ZNF559: variants seen among roughly 807,000 people sequenced by gnomAD.
The protein encoded by ZNF559 is putative protein product of Nbla00121.
ZNF559 carries 17 observed loss-of-function variants against 14.2 expected under a neutral mutation model. That is an observed-to-expected ratio of 1.20 (90% CI 0.82 to 1.80). ZNF559 has a LOEUF of 1.80. ZNF559 is among the 40% of genes most tolerant of loss of function. ZNF559 has a pLI of 0.00. For synonymous variants in ZNF559, 244 were observed against 212.4 expected (o/e 1.15, Z -1.29); for missense variants, 740 against 629.7 (o/e 1.18, Z -1.88).
chr19:9,333,293 T>G (rs1041100040), intron 2 of ZNF559, among the ~76,000 whole-genome samples: 2 of 152,202 alleles, frequency 1.3e-5, no homozygotes, highest in Admixed American at 6.5e-5. Flanking sequence ...TGTAGAGTTA[T>G]GCATCCAGGA....
chr19:9,324,404 G>T, intron 1 of ZNF559, 176 bp downstream of exon 1: 3 of 1,471,102 alleles, frequency 2.0e-6, no homozygotes, highest in Non-Finnish European at 2.7e-6. Flanking sequence ...GCCACAGTCA[G>T]GTCTGTCCTC....
chr19:9,327,476 T>G (rs189754122), intron 2 of ZNF559, among the ~76,000 whole-genome samples: 48 of 152,292 alleles, frequency 3.2e-4, no homozygotes, highest in African/African-American at 1.1e-3. Context: ...CTCGAACTCT[T>G]GACCTCAGGT....
chr19:9,341,558 A>G, intron 6 of ZNF559, 137 bp from the exon 7 acceptor site: 5 of 1,477,456 alleles, frequency 3.4e-6, no homozygotes, highest in East Asian at 2.4e-5. Flanking sequence ...ATGCCTTGCA[A>G]TGAAAATGGC....
At position 9,343,546 on chromosome 19, in the gene ZNF559, A is replaced by G; in HGVS notation, c.*478A>G. 12 of 992,294 alleles carry G rather than the reference A, an allele frequency of 1.2e-5. No individual in the cohort carries two copies. Among genetic ancestry groups the G allele is most frequent in the Non-Finnish European group, 1.4e-5 (12 of 833,392 alleles). The allele number at this position is 992,294 out of a possible 1,614,324, so 61.5% of individuals were successfully genotyped here. A position where few individuals can be genotyped will look rare whatever the true frequency, so the allele number is the denominator to read the frequency against. On this transcript the variant is annotated 3_prime_UTR_variant, in exon 7 of 7. Transcript: ENST00000603380. ...AGCTGTGATCTCACAAGTGTGAAAAATCTTATGAATGTAAAATGTGTGGAG... is the reference window on the plus strand; with the variant it reads ...AGCTGTGATCTCACAAGTGTGAAAAGTCTTATGAATGTAAAATGTGTGGAG...
Position 9,343,835 on chromosome 19 carries a change from GCTGGT to G in ZNF559, c.*771_*775del, listed in dbSNP as rs141953527. On this transcript the variant is annotated 3_prime_UTR_variant, in exon 7 of 7. Transcript: ENST00000603380. ...TATATATCATTAATAAAAATATCTA[GCTGGT>G]CTGAAGATCCTGAGTTATCTCAATT... 1.7e-3 allele frequency: 1,685 copies of G among 980,176 alleles called. 18 individuals carry two copies. In the African/African-American group the frequency reaches 0.027, roughly 16 times the overall value. The allele number at this position is 980,176 out of a possible 1,614,324, so 60.7% of individuals were successfully genotyped here.
intron 1 of ZNF559, chr19:9,324,459 G>C: frequency 9.1e-6 from 13 of 1,424,558 alleles, no homozygotes; most frequent in Non-Finnish European, 1.2e-5. Context: ...GGGAGGAGGC[G>C]GGGGGCACGG....
At chr19:9,337,236 G>A (rs974389927) in intron 2 of ZNF559, among the ~76,000 whole-genome samples, 2 of 152,158 alleles carry the variant, frequency 1.3e-5, no homozygotes, top group African/African-American at 4.8e-5. Flanking sequence ...ATTGCCAGAA[G>A]CCTCAGGCAT....
intron 2 of ZNF559, among the ~76,000 whole-genome samples, chr19:9,328,045 C>T (rs2066721825): frequency 6.6e-6 from 1 of 152,146 alleles, no homozygotes; most frequent in Non-Finnish European, 1.5e-5. Flanking sequence ...TATGTATTTT[C>T]TTACATCATA....
intron 2 of ZNF559, among the ~76,000 whole-genome samples, chr19:9,326,875 G>A (rs2066635586): frequency 6.6e-6 from 1 of 152,092 alleles, no homozygotes; most frequent in Non-Finnish European, 1.5e-5. Flanking sequence ...ACAAACCCAG[G>A]TTGTTCCAAA....
chr19:9,324,008 G>C (rs1262475442), upstream of ZNF559: 3 of 679,434 alleles, frequency 4.4e-6, no homozygotes, highest in Non-Finnish European at 2.5e-6. Flanking sequence ...TGGACAGCTT[G>C]CAGTCAAGAC....
At chr19:9,327,468 C>T (rs1447801539) in intron 2 of ZNF559, among the ~76,000 whole-genome samples, 2 of 152,104 alleles carry the variant, frequency 1.3e-5, no homozygotes, top group South Asian at 2.1e-4. Context: ...AGGCTGGTCT[C>T]GAACTCTTGA....
intron 2 of ZNF559, among the ~76,000 whole-genome samples, chr19:9,325,786 C>CA (rs35775585): frequency 2.2e-5 from 3 of 139,192 alleles, no homozygotes; most frequent in Admixed American, 7.1e-5. Context: ...ACTCCGTCTC[C>CA]AAAAAAAAAA....
At chr19:9,339,088 G>A in intron 4 of ZNF559, 105 bp from the exon 5 acceptor site, 2 of 1,509,376 alleles carry the variant, frequency 1.3e-6, no homozygotes, top group Non-Finnish European at 1.8e-6. Flanking sequence ...AGTGATAGGA[G>A]ACCAAAGAGT....
chr19:9,339,096 A>G, intron 4 of ZNF559, 97 bp from the exon 5 acceptor site: 2 of 1,534,674 alleles, frequency 1.3e-6, no homozygotes, highest in Non-Finnish European at 1.8e-6. Context: ...GAGACCAAAG[A>G]GTCTTGTCAA....
intron 2 of ZNF559, among the ~76,000 whole-genome samples, chr19:9,332,556 C>A (rs1211763761): frequency 6.6e-6 from 1 of 152,122 alleles, no homozygotes; most frequent in Non-Finnish European, 1.5e-5. Context: ...CTCAGTGATC[C>A]TGCCTTATCC....
chr19:9,342,681 CTG>C lies in ZNF559; in HGVS notation c.1232_1233del (p.Cys411SerfsTer27), dbSNP rs774277970. 1.2e-6 allele frequency: 2 copies of C among 1,614,102 alleles called. No homozygotes were observed. The highest frequency in any genetic ancestry group is 2.2e-5 in the East Asian group (1 of 44,862). On this transcript the variant is annotated frameshift_variant, in exon 7 of 7. Transcript: ENST00000603380. LOFTEE classifies it low-confidence loss of function (END_TRUNC). ...QTHPGVKPYDCQQCGKAFIRS... is the reference protein window; with the variant it reads ...QTHPGVKPYDXQQCGKAFIRS... ...CTCATCCTGGTGTAAAACCCTATGA[CTG>C]TCAACAGTGTGGGAAAGCCTTCATT...
Position 9,324,189 on chromosome 19 carries a change from C to G in ZNF559, c.-245C>G. 1 of 1,536,076 alleles carries G rather than the reference C, an allele frequency of 6.5e-7. No homozygotes were observed. The highest frequency in any genetic ancestry group is 1.2e-5 in the South Asian group (1 of 84,064). ...TGTCTGCGTGGGCGCATGCGCATAA[C>G]GGCCGCCATCTTAACAGCGCGTTCC... On this transcript the variant is annotated 5_prime_UTR_variant, in exon 1 of 7. Coordinates refer to ENST00000603380, the MANE Select transcript of ZNF559 (RefSeq NM_032497.3).
In ZNF559 at chr19:9,343,161, CAT is replaced by C. The variant is rs1165370623; in HGVS notation, c.*95_*96del. 1.3e-6 allele frequency: 2 copies of C among 1,509,874 alleles called. No individual in the cohort carries two copies. Among genetic ancestry groups the C allele is most frequent in the Non-Finnish European group, 1.8e-6 (2 of 1,137,712 alleles). 93.5% of individuals were successfully genotyped at this position (1,509,874 alleles called of 1,614,324 possible). A position where few individuals can be genotyped will look rare whatever the true frequency, so the allele number is the denominator to read the frequency against. ...CATTCATAGTGGCAATGTACACAGTCATAAGGAATGTGGGAAGCCTTCCTTGG... is the reference window on the plus strand; with the variant it reads ...CATTCATAGTGGCAATGTACACAGTCAAGGAATGTGGGAAGCCTTCCTTGG... On this transcript the variant is annotated 3_prime_UTR_variant, in exon 7 of 7. Transcript: ENST00000603380.
chr19:9,323,996 C>A, upstream of ZNF559: 1 of 639,038 alleles, frequency 1.6e-6, no homozygotes, highest in South Asian at 2.0e-5. Context: ...ACGCCAGTAA[C>A]CTGGACAGCT....
Sources: gnomAD v4.1 joint callset for allele counts (sites outside exome capture counted in the v4.1 genomes callset) on GRCh38, gnomAD v4.1.1 for gene constraint, MANE v1.5 for transcripts, NCBI Gene and HGNC (gene_info 2026-07-23, HGNC 2026-07-21) for gene names.